The following TBPL1 variants were observed in gnomAD, a reference collection of about 807,000 sequenced individuals.
TBPL1 encodes TATA box-binding protein-like 1.
In TBPL1, 4 loss-of-function variants were observed where a neutral mutation model predicts 22.1. The observed-to-expected ratio is 0.18, with a 90% CI of 0.09 to 0.41. The LOEUF is 0.41. TBPL1 is among the 10% of genes least tolerant of loss of function. The probability of loss-of-function intolerance (pLI) is 1.00; values close to 1 mark genes in which losing one functional copy is unlikely to be tolerated. For missense variants in TBPL1, 115 were observed against 222.3 expected, an observed-to-expected ratio of 0.52 and a Z score of 3.07; for synonymous variants, 64 against 71.0, an observed-to-expected ratio of 0.90 and a Z score of 0.50.
intron 1 of TBPL1, among the ~76,000 whole-genome samples, chr6:133,966,631 C>T (rs1776123648): frequency 6.6e-6 from 1 of 152,184 alleles, no homozygotes; most frequent in African/African-American, 2.4e-5. Context: ...ACCCCTCCTA[C>T]CTTTCTCATC....
At chr6:133,985,758 T>C (rs1194809803) in intron 6 of TBPL1, 1 of 152,188 alleles carries the variant, frequency 6.6e-6, no homozygotes, top group Non-Finnish European at 1.5e-5. Context: ...AAATAAACTT[T>C]AGTTTTGACT....
upstream of TBPL1, chr6:133,952,871 G>A (rs536240716): frequency 6.6e-6 from 1 of 152,274 alleles, no homozygotes; most frequent in South Asian, 2.1e-4. This position sits in a 1 kb window ranked among gnomAD's most constrained non-coding sequence, Gnocchi z 4.5. Context: ...ATTACTACAC[G>A]TTTAGATATC....
At chr6:133,974,617 G>A (rs914270703) in intron 1 of TBPL1, among the ~76,000 whole-genome samples, 1 of 152,198 alleles carries the variant, frequency 6.6e-6, no homozygotes, top group Non-Finnish European at 1.5e-5. Context: ...GTAAGCCACC[G>A]TGCCCAGACG....
At chr6:133,973,186 T>G (rs2114360449) in intron 1 of TBPL1, among the ~76,000 whole-genome samples, 1 of 152,342 alleles carries the variant, frequency 6.6e-6, no homozygotes, top group South Asian at 2.1e-4. Context: ...GATGTGAGGT[T>G]ACTTTGAATG....
intron 1 of TBPL1, among the ~76,000 whole-genome samples, chr6:133,971,238 C>T (rs1776216009): frequency 6.6e-6 from 1 of 151,970 alleles, no homozygotes; most frequent in South Asian, 2.1e-4. Context: ...TGATGTCCTC[C>T]AGGTTCACTA....
chr6:133,957,966 ATTCT>A (rs779416372), intron 1 of TBPL1, among the ~76,000 whole-genome samples: 6 of 152,050 alleles, frequency 3.9e-5, no homozygotes, highest in South Asian at 4.1e-4. Flanking sequence ...GAGCATTGAA[ATTCT>A]TTCTTTCTTT....
intron 1 of TBPL1, among the ~76,000 whole-genome samples, chr6:133,956,496 A>G (rs1191334619): frequency 2.0e-5 from 3 of 152,328 alleles, no homozygotes; most frequent in Admixed American, 6.5e-5. Flanking sequence ...TACTGTCACT[A>G]TTGGTGAATG....
intron 4 of TBPL1, among the ~76,000 whole-genome samples, chr6:133,983,552 G>C (rs1776453165): frequency 6.6e-6 from 1 of 152,138 alleles, no homozygotes; most frequent in South Asian, 2.1e-4. Context: ...AACGGCTGGT[G>C]GGGAGTGGGG....
chr6:133,982,985 T>A, intron 4 of TBPL1, 105 bp downstream of exon 4: 1 of 1,066,244 alleles, frequency 9.4e-7, no homozygotes, highest in Non-Finnish European at 1.3e-6. Flanking sequence ...ACTATTCTTA[T>A]GATTAAACTT....
chr6:133,977,039 A>G (rs943696310), intron 1 of TBPL1, among the ~76,000 whole-genome samples: 2 of 151,982 alleles, frequency 1.3e-5, no homozygotes, highest in African/African-American at 2.4e-5. Flanking sequence ...TAATTATCCT[A>G]TTGAAAAGGG....
chr6:133,984,038 T>C (rs1353950834), intron 4 of TBPL1, among the ~76,000 whole-genome samples: 1 of 152,228 alleles, frequency 6.6e-6, no homozygotes, highest in Non-Finnish European at 1.5e-5. Context: ...CAGGATGACC[T>C]GGACTTAAAT....
chr6:133,970,187 G>T (rs1011850046), intron 1 of TBPL1, among the ~76,000 whole-genome samples: 1 of 152,138 alleles, frequency 6.6e-6, no homozygotes, highest in Non-Finnish European at 1.5e-5. Flanking sequence ...TTTTTATTCA[G>T]TTGAGAACAA....
At position 133,984,493 on chromosome 6, in the gene TBPL1, G is replaced by A; in HGVS notation, c.386+14G>A. ...ACCTCATGCCAGGTAAGTCTTTGAA[G>A]CAATTTATCTTGAGAAATTACCAAA... On this transcript the variant is annotated intron_variant, in intron 5 of 6. Coordinates refer to ENST00000237264, the MANE Select transcript of TBPL1 (RefSeq NM_004865.4). 6.2e-7 allele frequency: 1 copy of A among 1,612,674 alleles called. No individual in the cohort carries two copies.
intron 1 of TBPL1, among the ~76,000 whole-genome samples, chr6:133,974,661 A>G (rs1025613947): frequency 2.6e-5 from 4 of 152,238 alleles, no homozygotes; most frequent in African/African-American, 9.6e-5. Flanking sequence ...CTGGTTGACT[A>G]TAGTTCCACA....
intron 1 of TBPL1, among the ~76,000 whole-genome samples, chr6:133,973,257 T>C (rs1434980125): frequency 6.6e-6 from 1 of 152,212 alleles, no homozygotes; most frequent in African/African-American, 2.4e-5. Flanking sequence ...CTATTGTGTT[T>C]GCAAATCGGT....
Position 133,987,617 on chromosome 6 carries a change from G to C in TBPL1, c.*577G>C, listed in dbSNP as rs1484137596. 7.6e-6 allele frequency: 1 copy of C among 131,184 alleles called. No individual in the cohort carries two copies. The highest frequency in any genetic ancestry group is 8.0e-5 in the Admixed American group (1 of 12,480). 8.1% of individuals were successfully genotyped at this position (131,184 alleles called of 1,614,324 possible). A position where few individuals can be genotyped will look rare whatever the true frequency, so the allele number is the denominator to read the frequency against. On this transcript the variant is annotated 3_prime_UTR_variant, in exon 7 of 7. Transcript: ENST00000237264. ...TAAAGTGTGTTGGCTTCTTTTTGAAGTGTATTTTGTGTGTGTGTGTGTGTG... is the reference window on the plus strand; with the variant it reads ...TAAAGTGTGTTGGCTTCTTTTTGAACTGTATTTTGTGTGTGTGTGTGTGTG...
At chr6:133,967,562 T>C (rs1004941412) in intron 1 of TBPL1, among the ~76,000 whole-genome samples, 5 of 152,340 alleles carry the variant, frequency 3.3e-5, no homozygotes, top group African/African-American at 1.2e-4. Context: ...CGGTAGAATC[T>C]ACTACACACC....
rs1366693372 is a variant in TBPL1 at position 133,954,847 on chromosome 6, A to G, written c.-45+1422A>G. On this transcript the variant is annotated intron_variant, in intron 1 of 6. Coordinates refer to ENST00000237264, the MANE Select transcript of TBPL1 (RefSeq NM_004865.4). ...TCAGAAACTCTAGTGACCTATTACT[A>G]TGTGCCCTTGATTGGGCTGGCTTGT... Among the ~76,000 whole-genome samples the G allele has an allele frequency of 3.3e-5, 5 of 152,240 alleles. No individual in the cohort carries two copies. The South Asian group carries it at 8.3e-4, about 25-fold the overall frequency.
intron 1 of TBPL1, among the ~76,000 whole-genome samples, chr6:133,977,541 G>T (rs916239641): frequency 5.9e-5 from 9 of 152,054 alleles, no homozygotes; most frequent in African/African-American, 2.2e-4. Flanking sequence ...GAGTCAATTT[G>T]TTTTCTCCTG....
Sources: gnomAD v4.1 joint callset for allele counts (sites outside exome capture counted in the v4.1 genomes callset) on GRCh38, gnomAD v4.1.1 for gene constraint, Gnocchi (gnomAD v3.1) non-coding constraint, MANE v1.5 for transcripts, NCBI Gene and HGNC (gene_info 2026-07-23, HGNC 2026-07-21) for gene names.